The following CCDC192 variants were observed in gnomAD, a reference collection of about 807,000 sequenced individuals.
CCDC192 encodes coiled-coil domain containing 192.
chr5:127,835,724 G>C (rs1039219041), intron 5 of CCDC192, among the ~76,000 whole-genome samples: 1 of 152,124 alleles, frequency 6.6e-6, no homozygotes, highest in East Asian at 1.9e-4. Flanking sequence ...AGAGGGAAGA[G>C]TCCCTTATAA....
chr5:127,740,169 G>C (rs2126838527), intron 2 of CCDC192: 1 of 152,338 alleles, frequency 6.6e-6, no homozygotes, highest in East Asian at 1.9e-4. Context: ...AGTTGAATGA[G>C]GTACAATGGT....
chr5:127,709,899 C>T (rs887071129), intron 2 of CCDC192, among the ~76,000 whole-genome samples: 1 of 152,128 alleles, frequency 6.6e-6, no homozygotes, highest in Non-Finnish European at 1.5e-5. Context: ...CCAATTTCTA[C>T]TTAACTGCCC....
intron 5 of CCDC192, among the ~76,000 whole-genome samples, chr5:127,808,619 T>C (rs1757922117): frequency 1.3e-5 from 2 of 152,166 alleles, no homozygotes; most frequent in Admixed American, 1.3e-4. Context: ...CCTCCATCCC[T>C]TTGCAGAGTG....
At chr5:127,844,963 G>A (rs1240604321) in intron 5 of CCDC192, among the ~76,000 whole-genome samples, 1 of 152,124 alleles carries the variant, frequency 6.6e-6, no homozygotes, top group Non-Finnish European at 1.5e-5. Flanking sequence ...ACCAAAGGGC[G>A]CCACCCTTCT....
intron 6 of CCDC192, among the ~76,000 whole-genome samples, chr5:127,891,074 CAG>C (rs1447994936): frequency 2.6e-5 from 4 of 152,176 alleles, no homozygotes; most frequent in South Asian, 4.1e-4. Flanking sequence ...TGTTTTGAGA[CAG>C]AGTCTTGCTC....
intron 5 of CCDC192, among the ~76,000 whole-genome samples, chr5:127,810,413 T>G (rs1758016012): frequency 6.6e-6 from 1 of 152,130 alleles, no homozygotes; most frequent in Non-Finnish European, 1.5e-5. Flanking sequence ...TACGTGGAAG[T>G]GGTGCATTGG....
intron 3 of CCDC192, among the ~76,000 whole-genome samples, chr5:127,790,580 C>T (rs1027741711): frequency 4.6e-5 from 7 of 152,046 alleles, no homozygotes; most frequent in East Asian, 3.9e-4. Flanking sequence ...ATTTTTGTAC[C>T]GTTAACCAAC....
chr5:127,757,821 A>G (rs955219867), intron 3 of CCDC192, among the ~76,000 whole-genome samples: 7 of 134,760 alleles, frequency 5.2e-5, no homozygotes, highest in African/African-American at 2.0e-4. Flanking sequence ...CTCTCTCTCA[A>G]TCTGTGTGTA....
At chr5:127,899,246 C>A (rs1752976643) in intron 6 of CCDC192, among the ~76,000 whole-genome samples, 1 of 152,060 alleles carries the variant, frequency 6.6e-6, no homozygotes, top group African/African-American at 2.4e-5. Context: ...GAGGACCAAA[C>A]AGGGATCATT....
At chr5:127,706,420 G>A (rs1394995838) in intron 1 of CCDC192, among the ~76,000 whole-genome samples, 5 of 151,464 alleles carry the variant, frequency 3.3e-5, no homozygotes, top group African/African-American at 4.9e-5. Context: ...CCAGTTACTC[G>A]GGAGACTGAG....
intron 5 of CCDC192, among the ~76,000 whole-genome samples, chr5:127,868,682 G>A (rs1307130129): frequency 6.6e-6 from 1 of 152,120 alleles, no homozygotes; most frequent in African/African-American, 2.4e-5. Context: ...TCAGAAGTTC[G>A]AAACCAGTCT....
intron 3 of CCDC192, among the ~76,000 whole-genome samples, chr5:127,766,760 C>G (rs1755249622): frequency 6.6e-6 from 1 of 152,112 alleles, no homozygotes; most frequent in Admixed American, 6.5e-5. Context: ...CCTTGTCCAC[C>G]CCCACTTCCC....
intron 2 of CCDC192, among the ~76,000 whole-genome samples, chr5:127,724,935 A>AT (rs1752238211): frequency 1.3e-5 from 2 of 152,114 alleles, no homozygotes; most frequent in Middle Eastern, 3.2e-3. Flanking sequence ...TAGTATCATC[A>AT]TTCACCATCT....
At chr5:127,914,598 T>A (rs1222982687) in intron 6 of CCDC192, among the ~76,000 whole-genome samples, 1 of 152,164 alleles carries the variant, frequency 6.6e-6, no homozygotes, top group Non-Finnish European at 1.5e-5. Context: ...AAATGGTAAC[T>A]TTTACTTGAC....
rs149408513 is a variant in CCDC192, at chr5:127,858,633, G to A, written c.412-16905G>A. ...TCTTGCTTATCCCAGTATTCCCTGGGTTGCTAAGTTTGTCTGCGATAAACA... is the reference window on the plus strand; with the variant it reads ...TCTTGCTTATCCCAGTATTCCCTGGATTGCTAAGTTTGTCTGCGATAAACA... On this transcript the variant is annotated intron_variant, in intron 5 of 6. Transcript: ENST00000514853. Among the ~76,000 whole-genome samples the A allele has an allele frequency of 3.2e-3, 487 of 152,310 alleles. 2 individuals are homozygous for A. Among genetic ancestry groups the A allele is most frequent in the African/African-American group, 0.011 (458 of 41,560 alleles).
intron 2 of CCDC192, among the ~76,000 whole-genome samples, chr5:127,709,982 G>A (rs1751228749): frequency 6.6e-6 from 1 of 152,118 alleles, no homozygotes; most frequent in African/African-American, 2.4e-5. Flanking sequence ...CACTGAAAAG[G>A]ACAAGGTGCC....
intron 3 of CCDC192, among the ~76,000 whole-genome samples, chr5:127,791,372 T>C (rs762036559): frequency 6.6e-6 from 1 of 152,244 alleles, no homozygotes; most frequent in Non-Finnish European, 1.5e-5. Flanking sequence ...ATTTTGGAAT[T>C]ATATTTAAGT....
intron 2 of CCDC192, among the ~76,000 whole-genome samples, chr5:127,752,752 A>G (rs1754285002): frequency 6.6e-6 from 1 of 152,168 alleles, no homozygotes; most frequent in South Asian, 2.1e-4. Context: ...CTGCTGTGCT[A>G]GCAGTCAGCG....
chr5:127,800,996 A>C (rs1580681738), intron 5 of CCDC192, among the ~76,000 whole-genome samples: 1 of 152,242 alleles, frequency 6.6e-6, no homozygotes, highest in East Asian at 1.9e-4. Flanking sequence ...CCCCGTTACA[A>C]GGTAGCCCAC....
Sources: allele counts gnomAD v4.1 joint callset (sites outside exome capture counted in the v4.1 genomes callset), GRCh38; gene constraint gnomAD v4.1.1; transcripts MANE v1.5; gene names NCBI Gene and HGNC (gene_info 2026-07-23, HGNC 2026-07-21).